Variants in FAM120B observed in about 807,000 individuals in gnomAD.
FAM120B encodes the protein constitutive coactivator of peroxisome proliferator-activated receptor gamma.
FAM120B carries 83 observed loss-of-function variants against 96.3 expected under a neutral mutation model. That is an observed-to-expected ratio of 0.86 (90% confidence interval 0.72 to 1.03). The LOEUF (loss-of-function observed/expected upper bound fraction) is 1.03. Ranked by LOEUF, FAM120B falls within the 50% of genes least tolerant of loss-of-function variation. The pLI is 0.00. For synonymous variants in FAM120B, 407 were observed against 402.7 expected, an observed-to-expected ratio of 1.01 and a Z score of -0.13; for missense variants, 1,027 against 1,121.2, an observed-to-expected ratio of 0.92 and a Z score of 1.20.
rs760217440 is a variant in FAM120B at position 170,405,808 on chromosome 6, T to C, written c.*1057T>C. 1 of 152,198 alleles carries C rather than the reference T, an allele frequency of 6.6e-6. No homozygotes were observed. Among genetic ancestry groups the C allele is most frequent in the Non-Finnish European group, 1.5e-5 (1 of 68,042 alleles). The allele number at this position is 152,198 out of a possible 1,614,324, so 9.4% of individuals were successfully genotyped here. ...GTTTCTGTGGGGTCATCCCTTTCGT[T>C]TCATTTTGCCAGGGCCTGGCTCAGG... On this transcript the variant is annotated 3_prime_UTR_variant, in exon 11 of 11. Coordinates refer to ENST00000476287, the MANE Select transcript of FAM120B (RefSeq NM_032448.3).
chr6:170,348,273 GA>G lies in FAM120B; in HGVS notation c.2143del (p.Ser715AlafsTer10). The G allele has an allele frequency of 6.2e-7, 1 of 1,613,828 alleles. No individual in the cohort carries two copies. The highest frequency in any genetic ancestry group is 8.5e-7 in the Non-Finnish European group (1 of 1,179,914). ...SSSREELQAV[E>X]SPFQALCCLL... The stretch of plus-strand genomic sequence containing the variant: ...CTCAAGAGAAGAGCTGCAGGCTGTC[GA>G]AAGCCCATTTCAAGCTTTGTGCTGC... On this transcript the variant is annotated frameshift_variant, in exon 5 of 11. Transcript: ENST00000476287. LOFTEE classifies it high-confidence loss of function.
chr6:170,352,551 A>G (rs1006923957), intron 5 of FAM120B, among the ~76,000 whole-genome samples: 1 of 152,200 alleles, frequency 6.6e-6, no homozygotes, highest in African/African-American at 2.4e-5. Flanking sequence ...CAGCAAATGC[A>G]GAAGAGCTGA....
chr6:170,327,748 G>T (rs1445296035), intron 3 of FAM120B, among the ~76,000 whole-genome samples: 1 of 147,384 alleles, frequency 6.8e-6, no homozygotes, highest in Non-Finnish European at 1.5e-5. Flanking sequence ...GTGAGTCCAT[G>T]AGTGAATGAA....
In FAM120B at chr6:170,333,322, G is replaced by C. The variant is rs190315688; in HGVS notation, c.2017+2772G>C. Reference sequence around the variant, plus strand: ...GTGAAGGTGCCAATGTGCCATCTGTGAACCAGGAAGCGGGGCCTCACCAGA... The same window carrying C: ...GTGAAGGTGCCAATGTGCCATCTGTCAACCAGGAAGCGGGGCCTCACCAGA... On this transcript the variant is annotated intron_variant, in intron 4 of 10. Coordinates refer to ENST00000476287, the MANE Select transcript of FAM120B (RefSeq NM_032448.3). Among the ~76,000 whole-genome samples, 10 of 152,200 alleles carry C rather than the reference G, an allele frequency of 6.6e-5. No homozygotes were observed. In the East Asian group the frequency reaches 1.9e-3, roughly 29 times the overall value.
intron 6 of FAM120B, among the ~76,000 whole-genome samples, chr6:170,385,642 CTGCGCCCCTTG>C (rs1790142820): frequency 6.6e-6 from 1 of 152,190 alleles, no homozygotes; most frequent in South Asian, 2.1e-4. Flanking sequence ...AGTCCAGTAG[CTGCGCCCCTTG>C]CTGCAGCCAC....
At chr6:170,334,508 A>G (rs1045115228) in intron 4 of FAM120B, among the ~76,000 whole-genome samples, 7 of 151,984 alleles carry the variant, frequency 4.6e-5, no homozygotes, top group Non-Finnish European at 7.4e-5. Context: ...AAAGTGCTCA[A>G]CAAGTCTTGG....
Position 170,363,424 on chromosome 6 carries a change from A to AC in FAM120B, c.2283+5108dup, listed in dbSNP as rs1788586545. Among the ~76,000 whole-genome samples the AC allele has an allele frequency of 6.6e-6, 1 of 152,252 alleles. No homozygotes were observed. Among genetic ancestry groups the AC allele is most frequent in the African/African-American group, 2.4e-5 (1 of 41,470 alleles). ...GTGCATGGCGAGTGCAGCAAGTCAC[A>AC]CCTGTGTCAGCAGCATCGTCCTCTG... On this transcript the variant is annotated intron_variant, in intron 6 of 10. Coordinates refer to ENST00000476287, the MANE Select transcript of FAM120B (RefSeq NM_032448.3). The surrounding 1 kb of genome is among the most constrained non-coding windows in gnomAD (Gnocchi z 4.5).
chr6:170,375,298 C>T (rs1383363221), intron 6 of FAM120B, among the ~76,000 whole-genome samples: 1 of 152,192 alleles, frequency 6.6e-6, no homozygotes, highest in Admixed American at 6.5e-5. Context: ...AAAGCAAAGG[C>T]CTTGTGAAGT....
intron 6 of FAM120B, among the ~76,000 whole-genome samples, chr6:170,365,236 A>G (rs567849551): frequency 7.2e-5 from 11 of 152,350 alleles, no homozygotes; most frequent in African/African-American, 2.6e-4. Context: ...CTGAGACCAA[A>G]ATGTCATAAA....
At chr6:170,332,668 A>C (rs1786134571) in intron 4 of FAM120B, among the ~76,000 whole-genome samples, 1 of 152,054 alleles carries the variant, frequency 6.6e-6, no homozygotes, top group Admixed American at 6.6e-5. Context: ...ATTGCACTCC[A>C]GCCTGGGCGA....
chr6:170,300,041 T>TAC (rs1282216196), intron 1 of FAM120B, among the ~76,000 whole-genome samples: 3 of 151,444 alleles, frequency 2.0e-5, no homozygotes, highest in African/African-American at 7.3e-5. Flanking sequence ...TATGTTTTCA[T>TAC]GGTTTTGGCT....
chr6:170,405,310 C>G lies in FAM120B; in HGVS notation c.*559C>G, dbSNP rs1036014641. On this transcript the variant is annotated 3_prime_UTR_variant, in exon 11 of 11. Transcript: ENST00000476287. ...AAGAACAGTGAGAGATTAACAGCAA[C>G]CAATAACTAATAAAAGCTATGTGAA... is the stretch of plus-strand genomic sequence containing the variant. 3 of 152,196 alleles carry G rather than the reference C, an allele frequency of 2.0e-5. No homozygotes were observed. Among genetic ancestry groups the G allele is most frequent in the Admixed American group, 6.5e-5 (1 of 15,280 alleles). The allele number at this position is 152,196 out of a possible 1,614,324, so 9.4% of individuals were successfully genotyped here. A position where few individuals can be genotyped will look rare whatever the true frequency, so the allele number is the denominator to read the frequency against.
chr6:170,292,772 C>T (rs542863924), upstream of FAM120B, among the ~76,000 whole-genome samples: 1 of 152,360 alleles, frequency 6.6e-6, no homozygotes, highest in Non-Finnish European at 1.5e-5. The surrounding 1 kb of genome is among the most constrained non-coding windows in gnomAD (Gnocchi z 6.6). Context: ...AGCCTGTGTC[C>T]TGCTACCTTG....
chr6:170,331,477 G>A (rs1027765590), intron 4 of FAM120B, among the ~76,000 whole-genome samples: 2 of 152,120 alleles, frequency 1.3e-5, no homozygotes, highest in African/African-American at 2.4e-5. Flanking sequence ...TCCTTATTCT[G>A]TTAATCATAC....
At chr6:170,320,499 C>T (rs1432355035) in intron 2 of FAM120B, among the ~76,000 whole-genome samples, 2 of 152,140 alleles carry the variant, frequency 1.3e-5, no homozygotes, top group Non-Finnish European at 2.9e-5. Flanking sequence ...AGAAATGTTT[C>T]AGAAGTGAAA....
At chr6:170,361,241 T>TATATATATATATAC (rs1491566865) in intron 6 of FAM120B, among the ~76,000 whole-genome samples, 2 of 103,572 alleles carry the variant, frequency 1.9e-5, no homozygotes, top group African/African-American at 7.9e-5. Context: ...TATATACACG[T>TATATATATATATAC]ATATATATAT....
chr6:170,296,350 G>T (rs1318211507), intron 1 of FAM120B, among the ~76,000 whole-genome samples: 1 of 152,130 alleles, frequency 6.6e-6, no homozygotes, highest in Admixed American at 6.5e-5. Context: ...TGGTGGCGGC[G>T]CCAGGCAGCA....
chr6:170,399,444 G>A (rs1197272320), intron 9 of FAM120B, among the ~76,000 whole-genome samples: 14 of 143,602 alleles, frequency 9.7e-5, no homozygotes, highest in African/African-American at 3.2e-4. Context: ...GGAGTGAGTG[G>A]GGAAGGTAGA....
intron 1 of FAM120B, among the ~76,000 whole-genome samples, chr6:170,307,207 G>A (rs1784345377): frequency 1.3e-5 from 2 of 152,178 alleles, no homozygotes; most frequent in Admixed American, 1.3e-4. Context: ...TCATTTTTGG[G>A]TCAGAGCTGT....
Sources: gnomAD v4.1 joint callset for allele counts (sites outside exome capture counted in the v4.1 genomes callset) on GRCh38, gnomAD v4.1.1 for gene constraint, Gnocchi (gnomAD v3.1) non-coding constraint, MANE v1.5 for transcripts, NCBI Gene and HGNC (gene_info 2026-07-23, HGNC 2026-07-21) for gene names.